The following NRG2 variants were observed in gnomAD, a reference collection of about 807,000 sequenced individuals.
The protein encoded by NRG2 is neuregulin 2.
Under a neutral mutation model 73.9 loss-of-function variants are expected in NRG2, and 27 were observed. That is an observed-to-expected ratio of 0.37 (90% confidence interval 0.27 to 0.50). The LOEUF (loss-of-function observed/expected upper bound fraction) is 0.50, where lower values mean the gene tolerates loss of function less well. NRG2 is among the 20% of genes least tolerant of loss of function. The pLI, the probability that NRG2 is intolerant of heterozygous loss-of-function variation, is 0.96. For missense variants in NRG2, 1,126 were observed against 1,210.1 expected (o/e 0.93, Z 1.03); for synonymous variants, 532 against 541.0 (o/e 0.98, Z 0.23).
intron 1 of NRG2, among the ~76,000 whole-genome samples, chr5:139,995,877 A>G (rs1161168034): frequency 2.0e-5 from 3 of 152,218 alleles, no homozygotes; most frequent in African/African-American, 7.2e-5. Flanking sequence ...TTAGCCATGC[A>G]TGGTGGCATG....
intron 3 of NRG2, among the ~76,000 whole-genome samples, chr5:139,880,090 T>G (rs559312421): frequency 2.4e-4 from 36 of 152,248 alleles, no homozygotes; most frequent in Non-Finnish European, 4.7e-4. Context: ...GGTAGCCACA[T>G]GCACACTCAG....
At chr5:139,998,447 C>A (rs1219655522) in intron 1 of NRG2, among the ~76,000 whole-genome samples, 1 of 152,204 alleles carries the variant, frequency 6.6e-6, no homozygotes, top group Non-Finnish European at 1.5e-5. Flanking sequence ...TTCCCATCTA[C>A]TGGCAATCAA....
chr5:139,963,994 A>G (rs429826), intron 1 of NRG2, among the ~76,000 whole-genome samples: 148,105 of 152,208 alleles, frequency 0.97, 72,073 homozygotes, highest in East Asian at 1. Context: ...AAAGAACAAG[A>G]GAAAAAAAAG....
Position 140,042,827 on chromosome 5 carries a change from G to A in NRG2, c.243C>T (p.Ala81=), listed in dbSNP as rs914836105. 25 of 1,483,498 alleles carry A rather than the reference G, an allele frequency of 1.7e-5. No individual in the cohort carries two copies. The Admixed American group carries it at 4.7e-4, about 28-fold the overall frequency. The allele number at this position is 1,483,498 out of a possible 1,614,324, so 91.9% of individuals were successfully genotyped here. A position where few individuals can be genotyped will look rare whatever the true frequency, so the allele number is the denominator to read the frequency against. ...CGGCTGCGGCTCGCGAACGGGCGGC[G>A]GCTCTCCGGGCTGCGGGGCTGCGGG... ...PQPRSPAARR[A]AARSRAAAAG... Residue 81 remains alanine, a synonymous_variant, in exon 1 of 10, where the codon GCC becomes GCT. Transcript: ENST00000361474.
chr5:140,001,260 T>C (rs1758447943), intron 1 of NRG2, among the ~76,000 whole-genome samples: 1 of 152,210 alleles, frequency 6.6e-6, no homozygotes, highest in Admixed American at 6.5e-5. Context: ...GTATGGCATA[T>C]TTGTTTGTCC....
rs189344042 is a variant in NRG2 at position 139,887,738 on chromosome 5, C to T, written c.701-227G>A. On this transcript the variant is annotated intron_variant, in intron 1 of 9. Coordinates refer to ENST00000361474, the MANE Select transcript of NRG2 (RefSeq NM_004883.3). This position sits in a 1 kb window ranked among gnomAD's most constrained non-coding sequence, Gnocchi z 4.5. ...TAACTTATGGAGAGTTTCCTTCATG[C>T]CTTGAATGGTATGAAGCTTTACATT... 3.7e-4 allele frequency among the ~76,000 whole-genome samples: 56 copies of T among 152,242 alleles called. No individual in the cohort carries two copies. The highest frequency in any genetic ancestry group is 1.3e-3 in the African/African-American group (53 of 41,534).
intron 1 of NRG2, among the ~76,000 whole-genome samples, chr5:139,928,516 C>T (rs1752233333): frequency 6.6e-6 from 1 of 152,160 alleles, no homozygotes; most frequent in Non-Finnish European, 1.5e-5. Context: ...AGCATATGAA[C>T]CCCGGACCTG....
At chr5:140,035,576 T>C (rs1288195641) in intron 1 of NRG2, among the ~76,000 whole-genome samples, 8 of 152,228 alleles carry the variant, frequency 5.3e-5, no homozygotes, top group Non-Finnish European at 1.0e-4. Context: ...GGATACCAAA[T>C]TGCATCACTG....
chr5:139,920,430 T>A (rs1751574429), intron 1 of NRG2, among the ~76,000 whole-genome samples: 1 of 152,212 alleles, frequency 6.6e-6, no homozygotes, highest in Non-Finnish European at 1.5e-5. Context: ...GTACTGGGGA[T>A]CTGGTAACCC....
intron 1 of NRG2, among the ~76,000 whole-genome samples, chr5:139,983,291 T>C (rs556535032): frequency 3.3e-5 from 5 of 152,170 alleles, no homozygotes; most frequent in African/African-American, 1.2e-4. Context: ...AGAGAGTGAG[T>C]CCCAAGGCAC....
intron 1 of NRG2, among the ~76,000 whole-genome samples, chr5:139,984,957 C>T (rs1757060988): frequency 6.6e-6 from 1 of 152,228 alleles, no homozygotes. Flanking sequence ...ATATGTTCTT[C>T]AACCTTGTCT....
chr5:139,987,129 T>C (rs2126579091), intron 1 of NRG2, among the ~76,000 whole-genome samples: 1 of 151,558 alleles, frequency 6.6e-6, no homozygotes, highest in Admixed American at 6.6e-5. Flanking sequence ...CCTAGCACTT[T>C]GGGAGGCCGA....
intron 1 of NRG2, among the ~76,000 whole-genome samples, chr5:139,948,141 C>T (rs1753931472): frequency 6.6e-6 from 1 of 152,190 alleles, no homozygotes; most frequent in Non-Finnish European, 1.5e-5. Context: ...CTACTCTAGG[C>T]ACCTCATATC....
At chr5:139,957,303 ATC>A (rs3056592) in intron 1 of NRG2, among the ~76,000 whole-genome samples, 100 of 127,328 alleles carry the variant, frequency 7.9e-4, no homozygotes, top group African/African-American at 2.3e-3. Flanking sequence ...CCACTCAAGA[ATC>A]TCTGTGTGTG....
intron 2 of NRG2, among the ~76,000 whole-genome samples, chr5:139,883,319 AC>A (rs962288183): frequency 1.5e-5 from 2 of 130,228 alleles, no homozygotes; most frequent in African/African-American, 5.9e-5. Flanking sequence ...CTCAGCGCCT[AC>A]CCCCGCCCCC....
In NRG2 at chr5:139,868,132, T is replaced by C. The variant is rs183692577; in HGVS notation, c.1113-2507A>G. Among the ~76,000 whole-genome samples the C allele has an allele frequency of 7.3e-5, 11 of 151,604 alleles. No individual in the cohort carries two copies. In the East Asian group the frequency reaches 2.1e-3, roughly 29 times the overall value. ...CAAAAGGCACTGGGGAGGGGCACAG[T>C]GGGGGTGGTGGAAGGCTGACAGCTA... On this transcript the variant is annotated intron_variant, in intron 4 of 9. Coordinates refer to ENST00000361474, the MANE Select transcript of NRG2 (RefSeq NM_004883.3). This position sits in a 1 kb window ranked among gnomAD's most constrained non-coding sequence, Gnocchi z 4.2.
chr5:140,039,512 C>T (rs1266023098), intron 1 of NRG2, among the ~76,000 whole-genome samples: 3 of 152,178 alleles, frequency 2.0e-5, no homozygotes, highest in Non-Finnish European at 4.4e-5. Flanking sequence ...AGGTCTTGCT[C>T]TTCCAGAAAG....
intron 1 of NRG2, among the ~76,000 whole-genome samples, chr5:139,935,407 G>A (rs6580316): frequency 0.15 from 23,271 of 152,042 alleles, 1,980 homozygotes; most frequent in South Asian, 0.25. Context: ...ACTGAAAAAC[G>A]ATATATTTGT....
intron 1 of NRG2, among the ~76,000 whole-genome samples, chr5:139,919,126 T>G (rs1416872079): frequency 6.6e-6 from 1 of 152,124 alleles, no homozygotes; most frequent in African/African-American, 2.4e-5. Flanking sequence ...TTCTGCAATC[T>G]CAGCACAGAT....
Sources: gnomAD v4.1 joint callset for allele counts (sites outside exome capture counted in the v4.1 genomes callset) on GRCh38, gnomAD v4.1.1 for gene constraint, Gnocchi (gnomAD v3.1) non-coding constraint, MANE v1.5 for transcripts, NCBI Gene and HGNC (gene_info 2026-07-23, HGNC 2026-07-21) for gene names.